Variants in ASPDH observed in about 807,000 individuals in gnomAD.
ASPDH encodes the protein aspartate dehydrogenase domain containing.
ASPDH carries 25 observed loss-of-function variants against 30.5 expected under a neutral mutation model. The observed-to-expected ratio is 0.82, with a 90% CI of 0.60 to 1.14. The LOEUF is 1.14. Ranked by LOEUF, ASPDH falls within the 50% of genes most tolerant of loss-of-function variation. The pLI, the probability that ASPDH is intolerant of heterozygous loss-of-function variation, is 0.00. For missense variants in ASPDH, 401 were observed against 381.5 expected (o/e 1.05, Z -0.43); for synonymous variants, 168 against 156.3 (o/e 1.07, Z -0.56).
At chr19:50,514,720 G>C, upstream of ASPDH, 1 of 1,383,828 alleles carries the variant, frequency 7.2e-7, no homozygotes, top group Non-Finnish European at 9.5e-7. Flanking sequence ...CCACCACCTG[G>C]TACCCGCTGC....
rs970304710 is a variant in ASPDH at position 50,513,052 on chromosome 19, T to C, written c.198-41A>G. On this transcript the variant is annotated intron_variant, in intron 2 of 6. Coordinates refer to ENST00000389208, the MANE Select transcript of ASPDH (RefSeq NM_001114598.2). The surrounding 1 kb of genome is among the most constrained non-coding windows in gnomAD (Gnocchi z 4.9). ...GAGGGCGGAGGGTCTTGGAGAGGTA[T>C]TAGGCCTCTTCTCCCCAAGGTTCCC... The C allele has an allele frequency of 6.6e-7, 1 of 1,523,828 alleles. No homozygotes were observed. Among genetic ancestry groups the C allele is most frequent in the Non-Finnish European group, 9.0e-7 (1 of 1,112,938 alleles). 94.4% of individuals were successfully genotyped at this position (1,523,828 alleles called of 1,614,324 possible). A position where few individuals can be genotyped will look rare whatever the true frequency, so the allele number is the denominator to read the frequency against.
In ASPDH at chr19:50,512,392, A is replaced by C. The variant is rs1469307850; in HGVS notation, c.621T>G (p.Asp207Glu). 1 of 1,613,696 alleles carries C rather than the reference A, an allele frequency of 6.2e-7. No individual in the cohort carries two copies. The highest frequency in any genetic ancestry group is 1.1e-5 in the South Asian group (1 of 91,084). Reference sequence around the variant, plus strand: ...CAGCCACGAGCACCCCAATCACCCCATCGAAGCCCAGGCTGGGGGCAGCCA... The same window carrying C: ...CAGCCACGAGCACCCCAATCACCCCCTCGAAGCCCAGGCTGGGGGCAGCCA... ...AALAAPSLGF[D>E]GVIGVLVADT... Residue 207 changes from aspartate to glutamate, a missense_variant, in exon 5 of 7, where the codon GAT (aspartate) becomes GAG (glutamate). Asp to Glu is a conservative substitution (Grantham distance 45). Transcript: ENST00000389208.
intron 6 of ASPDH, 163 bp downstream of exon 6, chr19:50,511,973 G>T: frequency 1.7e-6 from 1 of 584,948 alleles, no homozygotes. Flanking sequence ...CATCTACAGT[G>T]CCAGGATTCA....
upstream of ASPDH, chr19:50,514,956 G>C: frequency 1.0e-6 from 1 of 985,420 alleles, no homozygotes; most frequent in Non-Finnish European, 1.2e-6. Context: ...AGAGCCAGGA[G>C]CCCCCGGTGT....
chr19:50,514,314 A>C (rs982173355), upstream of ASPDH, among the ~76,000 whole-genome samples: 3 of 152,104 alleles, frequency 2.0e-5, no homozygotes, highest in Non-Finnish European at 4.4e-5. Flanking sequence ...CCGTGGCCCT[A>C]GCCCTCCCAG....
rs780511651 is a variant in ASPDH, at chr19:50,512,473, G to A, written c.540C>T (p.Val180=). 16 of 1,596,176 alleles carry A rather than the reference G, an allele frequency of 1.0e-5. No individual in the cohort carries two copies. The highest frequency in any genetic ancestry group is 1.1e-5 in the Non-Finnish European group (13 of 1,172,360). The change falls in exon 5 of 7, where the codon GTC becomes GTT. Residue 180 remains valine (V), a synonymous_variant. Transcript: ENST00000389208. The part of the protein sequence containing the change: ...GPCTVLYEGP[V]RGLCPFAPRN... ...GCGGGGCAAAGGGGCAGAGCCCACG[G>A]ACAGGGCCTTCGTAGAGCACAGTGC...
At chr19:50,511,934 T>A in intron 6 of ASPDH, 161 bp from the exon 7 acceptor site, 1 of 338,708 alleles carries the variant, frequency 3.0e-6, no homozygotes, top group South Asian at 6.0e-5. Context: ...ACAGAGAGAG[T>A]CTCGATCAGA....
In ASPDH at chr19:50,512,376, G is replaced by A; in HGVS notation, c.637C>T (p.Leu213Phe). The A allele has an allele frequency of 1.2e-6, 2 of 1,613,864 alleles. No individual in the cohort carries two copies. Among genetic ancestry groups the A allele is most frequent in the Non-Finnish European group, 1.7e-6 (2 of 1,179,970 alleles). ...SLGFDGVIGVLVADTSLTDMH... is the reference protein window; with the variant it reads ...SLGFDGVIGVFVADTSLTDMH... ...TCTGCTCACCTGGTATCAGCCACGAGCACCCCAATCACCCCATCGAAGCCC... is the reference window on the plus strand; with the variant it reads ...TCTGCTCACCTGGTATCAGCCACGAACACCCCAATCACCCCATCGAAGCCC... Residue 213 changes from leucine (L) to phenylalanine (F), a missense_variant, in exon 5 of 7, where the codon CTC becomes TTC. By Grantham distance (22) the Leu-to-Phe change is conservative. Coordinates refer to ENST00000389208, the MANE Select transcript of ASPDH (RefSeq NM_001114598.2).
At chr19:50,514,817 G>GGGGGGGCCCC, upstream of ASPDH, 1 of 466,560 alleles carries the variant, frequency 2.1e-6, no homozygotes, top group Non-Finnish European at 3.3e-6. Context: ...GGGGGGGCGG[G>GGGGGGGCCCC]CACTGGGTGG....
At chr19:50,514,757 C>T (rs964015875), upstream of ASPDH, 463 of 1,172,446 alleles carry the variant, frequency 3.9e-4, 1 homozygote, top group Non-Finnish European at 4.6e-4. Flanking sequence ...CCAGGATTGG[C>T]GCTGGAAGGA....
chr19:50,514,550 C>A (rs750015440), upstream of ASPDH: 4 of 1,613,892 alleles, frequency 2.5e-6, no homozygotes, highest in Non-Finnish European at 3.4e-6. Context: ...CTCGCTCCCA[C>A]GTCCGTCCCT....
rs1316290319 is a variant in ASPDH, at chr19:50,512,827, A to C, written c.283-17T>G. ...GGACCCCACCTGGGGTGGATGAAGG[A>C]GGGGAGGGTTGAGGTCAGGGAAGGA... On this transcript the variant is annotated splice_polypyrimidine_tract_variant and intron_variant, in intron 3 of 6. Transcript: ENST00000389208. 2.5e-6 allele frequency: 4 copies of C among 1,601,564 alleles called. No homozygotes were observed. The African/African-American group carries it at 5.4e-5, about 21-fold the overall frequency.
rs1254659918 is a variant in ASPDH at position 50,511,681 on chromosome 19, G to C, written c.*49C>G. 1.4e-5 allele frequency: 17 copies of C among 1,208,456 alleles called. No individual in the cohort carries two copies. Among genetic ancestry groups the C allele is most frequent in the Non-Finnish European group, 1.8e-5 (17 of 934,378 alleles). 74.9% of individuals were successfully genotyped at this position (1,208,456 alleles called of 1,614,324 possible). ...GGGGCAGGGCAGGGGTGGGATGGTG[G>C]TGGTGAGAGGCCAGGCAGATGATCT... On this transcript the variant is annotated 3_prime_UTR_variant, in exon 7 of 7. Transcript: ENST00000389208.
rs1979964669 is a variant in ASPDH, at chr19:50,512,242, G to T, written c.702C>A (p.Gly234=). Residue 234 remains glycine, a synonymous_variant, in exon 6 of 7, where the codon GGC becomes GGA. Coordinates refer to ENST00000389208, the MANE Select transcript of ASPDH (RefSeq NM_001114598.2). ...GCACAGCAAAGCTTCGGCCCGTGGGGCCCCGGGGTCCGCTCAGCTCTACAT... is the reference window on the plus strand; with the variant it reads ...GCACAGCAAAGCTTCGGCCCGTGGGTCCCCGGGGTCCGCTCAGCTCTACAT... The part of the protein sequence containing the change: ...VVDVELSGPR[G]PTGRSFAVHT... The T allele has an allele frequency of 6.2e-7, 1 of 1,612,508 alleles. No individual in the cohort carries two copies. Among genetic ancestry groups the T allele is most frequent in the South Asian group, 1.1e-5 (1 of 91,048 alleles).
rs544008178 is a variant in ASPDH at position 50,512,014 on chromosome 19, G to A, written c.808+122C>T. The A allele has an allele frequency of 4.9e-5, 43 of 879,670 alleles. No homozygotes were observed. In the African/African-American group the frequency reaches 9.2e-4, roughly 19 times the overall value. 54.5% of individuals were successfully genotyped at this position (879,670 alleles called of 1,614,324 possible). Reference sequence around the variant, plus strand: ...ATGGAGAGAGGTTAAGGAAATAAAGGTCAGAAAGAAAGAAAGGTCAACAAA... The same window carrying A: ...ATGGAGAGAGGTTAAGGAAATAAAGATCAGAAAGAAAGAAAGGTCAACAAA... On this transcript the variant is annotated intron_variant, in intron 6 of 6. Transcript: ENST00000389208.
chr19:50,511,608 G>GA lies in ASPDH; in HGVS notation c.*121dup. 2 of 517,624 alleles carry GA rather than the reference G, an allele frequency of 3.9e-6. No homozygotes were observed. The highest frequency in any genetic ancestry group is 7.0e-5 in the East Asian group (2 of 28,390). 32.1% of individuals were successfully genotyped at this position (517,624 alleles called of 1,614,324 possible). A position where few individuals can be genotyped will look rare whatever the true frequency, so the allele number is the denominator to read the frequency against. On this transcript the variant is annotated 3_prime_UTR_variant, in exon 7 of 7. Coordinates refer to ENST00000389208, the MANE Select transcript of ASPDH (RefSeq NM_001114598.2). ...TCAGAGACGCCAGGCGGTGCGGGGGGAGGCAGCGGTGATCTTTACTGAGTC... is the reference window on the plus strand; with the variant it reads ...TCAGAGACGCCAGGCGGTGCGGGGGGAAGGCAGCGGTGATCTTTACTGAGTC...
Position 50,512,305 on chromosome 19 carries a change from G to C in ASPDH, c.654-15C>G. On this transcript the variant is annotated splice_polypyrimidine_tract_variant and intron_variant, in intron 5 of 6. Coordinates refer to ENST00000389208, the MANE Select transcript of ASPDH (RefSeq NM_001114598.2). ...TGTCCGTGAGGCTGGGACAAGAGGG[G>C]CAGTCAGTCTGGAGAGCCTGGACTC... 6.2e-7 allele frequency: 1 copy of C among 1,613,844 alleles called. No homozygotes were observed. The highest frequency in any genetic ancestry group is 8.5e-7 in the Non-Finnish European group (1 of 1,179,968).
intron 6 of ASPDH, 79 bp from the exon 7 acceptor site, chr19:50,511,852 G>A: frequency 2.0e-6 from 2 of 979,640 alleles, no homozygotes; most frequent in Non-Finnish European, 2.8e-6. Flanking sequence ...GTGGTGGGAG[G>A]AGGGGACAGG....
chr19:50,513,686 G>C lies in ASPDH; in HGVS notation c.52+86C>G, dbSNP rs2122736604. ...ACACAGCCAGGGGCAGATAGAGAGA[G>C]AAAAAAGTGTTTGTGGAGGGCAGAG... On this transcript the variant is annotated intron_variant, in intron 1 of 6. Coordinates refer to ENST00000389208, the MANE Select transcript of ASPDH (RefSeq NM_001114598.2). This position sits in a 1 kb window ranked among gnomAD's most constrained non-coding sequence, Gnocchi z 4.9. 1 of 1,089,130 alleles carries C rather than the reference G, an allele frequency of 9.2e-7. No homozygotes were observed. 67.5% of individuals were successfully genotyped at this position (1,089,130 alleles called of 1,614,324 possible). A position where few individuals can be genotyped will look rare whatever the true frequency, so the allele number is the denominator to read the frequency against.
Sources: allele counts gnomAD v4.1 joint callset (sites outside exome capture counted in the v4.1 genomes callset), GRCh38; gene constraint gnomAD v4.1.1; non-coding constraint Gnocchi (gnomAD v3.1); transcripts MANE v1.5; gene names NCBI Gene and HGNC (gene_info 2026-07-23, HGNC 2026-07-21).